WDR36: variants seen among roughly 807,000 people sequenced by gnomAD.
WDR36 encodes the protein WD repeat-containing protein 36.
A neutral mutation model predicts 112.7 loss-of-function variants in WDR36; 63 were observed. The ratio of observed to expected loss-of-function variants is 0.56; its 90% CI spans 0.46 to 0.69. WDR36 has a LOEUF of 0.69. Ranked by LOEUF, WDR36 falls within the 30% of genes least tolerant of loss-of-function variation. The probability of loss-of-function intolerance (pLI) is 0.00; values close to 1 mark genes in which losing one functional copy is unlikely to be tolerated. For synonymous variants in WDR36, 410 were observed against 362.2 expected, an observed-to-expected ratio of 1.13 and a Z score of -1.50; for missense variants, 1,226 against 1,070.3, an observed-to-expected ratio of 1.15 and a Z score of -2.03.
At position 111,130,328 on chromosome 5, in the gene WDR36, A is replaced by G. The variant is rs766603425; in HGVS notation, c.*3445A>G. On this transcript the variant is annotated 3_prime_UTR_variant, in exon 23 of 23. Transcript: ENST00000513710. ...CATATGTTTTATTTGTGTTTGGTTG[A>G]AAAAAGTTTGCATATAAGTGAAACT... The G allele has an allele frequency of 1.1e-5, 2 of 190,076 alleles. No individual in the cohort carries two copies. The highest frequency in any genetic ancestry group is 2.2e-5 in the Non-Finnish European group (2 of 90,224). 11.8% of individuals were successfully genotyped at this position (190,076 alleles called of 1,614,324 possible).
intron 19 of WDR36, among the ~76,000 whole-genome samples, chr5:111,123,284 A>G (rs996482576): frequency 6.6e-6 from 1 of 152,196 alleles, no homozygotes; most frequent in Non-Finnish European, 1.5e-5. Context: ...ACTAAAGAAA[A>G]AATTCCAGCA....
At position 111,123,920 on chromosome 5, in the gene WDR36, A is replaced by G; in HGVS notation, c.2264A>G (p.Gln755Arg). 6.2e-7 allele frequency: 1 copy of G among 1,613,666 alleles called. No homozygotes were observed. Among genetic ancestry groups the G allele is most frequent in the Non-Finnish European group, 8.5e-7 (1 of 1,179,904 alleles). The part of the protein sequence containing the change: ...YAAPEQNNDP[Q>R]QSKVVNLGVL... ...GCACCTGAACAAAATAATGATCCCC[A>G]GCAGGTAAAAAACAAATTAGAAGAT... The change falls in exon 20 of 23, where the codon CAG becomes CGG. Residue 755 changes from glutamine (Q) to arginine (R), a missense_variant. Transcript: ENST00000513710.
intron 21 of WDR36, among the ~76,000 whole-genome samples, chr5:111,125,346 AT>A (rs1367268037): frequency 3.3e-5 from 5 of 152,072 alleles, no homozygotes; most frequent in African/African-American, 1.2e-4. Context: ...AAGGCATTAG[AT>A]TTTCTTTATT....
rs977446611 is a variant in WDR36 at position 111,116,469 on chromosome 5, T to C, written c.1797-2544T>C. Among the ~76,000 whole-genome samples the C allele has an allele frequency of 5.9e-4, 90 of 152,158 alleles. 1 individual carries two copies. Among genetic ancestry groups the C allele is most frequent in the African/African-American group, 2.1e-3 (88 of 41,444 alleles). On this transcript the variant is annotated intron_variant, in intron 16 of 22. Coordinates refer to ENST00000513710, the MANE Select transcript of WDR36 (RefSeq NM_139281.3). ...TTTAGCACTTTGGAAATAGAACATA[T>C]GGAAGCAGTCTCCATTTGCTCAGAA...
At position 111,125,716 on chromosome 5, in the gene WDR36, T is replaced by A. The variant is rs1330800187; in HGVS notation, c.2459T>A (p.Phe820Tyr). 10 of 1,613,976 alleles carry A rather than the reference T, an allele frequency of 6.2e-6. No homozygotes were observed. The highest frequency in any genetic ancestry group is 5.9e-6 in the Non-Finnish European group (7 of 1,179,870). Residue 820 changes from phenylalanine to tyrosine, a missense_variant, in exon 22 of 23, where the codon TTC becomes TAC. Physicochemically the swap from Phe to Tyr is conservative, Grantham distance 22. Transcript: ENST00000513710. Reference sequence around the variant, plus strand: ...GGGTCCATAGAAGTTATGCAGAGCTTCTTGAAAATGATTGGGATGATGCTG... The same window carrying A: ...GGGTCCATAGAAGTTATGCAGAGCTACTTGAAAATGATTGGGATGATGCTG... ...CGGSIEVMQSFLKMIGMMLDR... is the reference protein window; with the variant it reads ...CGGSIEVMQSYLKMIGMMLDR...
At chr5:111,113,424 A>G (rs879596921) in intron 16 of WDR36, among the ~76,000 whole-genome samples, 4 of 124,516 alleles carry the variant, frequency 3.2e-5, no homozygotes, top group Non-Finnish European at 6.6e-5. Context: ...CCTAAACCTT[A>G]AGAAAGCTCA....
At chr5:111,100,847 C>A in intron 5 of WDR36, 126 bp downstream of exon 5, 1 of 930,170 alleles carries the variant, frequency 1.1e-6, no homozygotes, top group Non-Finnish European at 1.6e-6. Context: ...CTATAAATAA[C>A]AGTTGGTCCC....
At chr5:111,098,879 T>C in intron 4 of WDR36, 40 bp downstream of exon 4, 1 of 1,338,624 alleles carries the variant, frequency 7.5e-7, no homozygotes, top group Non-Finnish European at 1.1e-6. Flanking sequence ...CTTAGGGTAG[T>C]ATGTGTTTAA....
chr5:111,095,022 A>AT, intron 2 of WDR36, 75 bp downstream of exon 2: 4 of 1,368,494 alleles, frequency 2.9e-6, no homozygotes, highest in Non-Finnish European at 4.1e-6. Context: ...TGAGACTTAC[A>AT]GAGCATATAA....
At chr5:111,104,560 C>G (rs1753186736) in intron 8 of WDR36, 137 bp from the exon 9 acceptor site, 6 of 1,418,574 alleles carry the variant, frequency 4.2e-6, no homozygotes, top group African/African-American at 1.4e-5. Context: ...CCAATACCCA[C>G]TCCCTCCCTT....
rs1753713956 is a variant in WDR36, at chr5:111,128,268, AAGC to A, written c.*1388_*1390del. ...AGTTTTGTAGAATGATCTCCAAAAG[AAGC>A]AGTCCTCAAAAGGCATTTACCAGTG... On this transcript the variant is annotated 3_prime_UTR_variant, in exon 23 of 23. Transcript: ENST00000513710. 5.3e-6 allele frequency: 1 copy of A among 188,684 alleles called. No homozygotes were observed. Among genetic ancestry groups the A allele is most frequent in the South Asian group, 1.9e-4 (1 of 5,154 alleles). 11.7% of individuals were successfully genotyped at this position (188,684 alleles called of 1,614,324 possible).
intron 10 of WDR36, among the ~76,000 whole-genome samples, chr5:111,105,602 C>T (rs759747590): frequency 4.6e-5 from 7 of 151,424 alleles, no homozygotes; most frequent in Non-Finnish European, 7.4e-5. Flanking sequence ...TGCTGCCACC[C>T]AAAAGATGTT....
intron 14 of WDR36, 41 bp from the exon 15 acceptor site, chr5:111,111,129 G>T (rs763717698): frequency 1.9e-6 from 3 of 1,596,574 alleles, no homozygotes; most frequent in Admixed American, 1.7e-5. Context: ...TTTAGTTCAA[G>T]GGTTTTTTGT....
At chr5:111,102,448 T>C (rs1488427978) in intron 6 of WDR36, 49 bp downstream of exon 6, 7 of 1,542,932 alleles carry the variant, frequency 4.5e-6, no homozygotes, top group Admixed American at 1.7e-5. Flanking sequence ...AATAGGAAAA[T>C]CCTTCAGTTT....
intron 4 of WDR36, among the ~76,000 whole-genome samples, chr5:111,099,099 A>T (rs564514718): frequency 6.6e-6 from 1 of 152,208 alleles, no homozygotes; most frequent in African/African-American, 2.4e-5. Context: ...AACTTTAATG[A>T]TTTGTTGTAT....
chr5:111,117,435 AT>A (rs1753476395), intron 16 of WDR36, among the ~76,000 whole-genome samples: 2 of 152,206 alleles, frequency 1.3e-5, no homozygotes, highest in South Asian at 4.1e-4. Flanking sequence ...TGTGTGTCCC[AT>A]GAATCACTGA....
In WDR36 at chr5:111,102,349, C is replaced by T; in HGVS notation, c.547C>T (p.Leu183Phe). 6.2e-7 allele frequency: 1 copy of T among 1,603,486 alleles called. No individual in the cohort carries two copies. Among genetic ancestry groups the T allele is most frequent in the Non-Finnish European group, 8.5e-7 (1 of 1,174,864 alleles). ...LQLWNVKSNK[L>F]LYTFPGWKVG... is the part of the protein sequence containing the mutation. ...CAACTATTTTTCTTCTTGTAGTAAACTTCTATATACATTTCCAGGATGGAA... is the reference window on the plus strand; with the variant it reads ...CAACTATTTTTCTTCTTGTAGTAAATTTCTATATACATTTCCAGGATGGAA... The change falls in exon 6 of 23, where the codon CTT (leucine) becomes TTT (phenylalanine). Residue 183 changes from leucine to phenylalanine, a missense_variant. By Grantham distance (22) the Leu-to-Phe change is conservative. Coordinates refer to ENST00000513710, the MANE Select transcript of WDR36 (RefSeq NM_139281.3).
Position 111,129,292 on chromosome 5 carries a change from A to G in WDR36, c.*2409A>G, listed in dbSNP as rs1753737967. On this transcript the variant is annotated 3_prime_UTR_variant, in exon 23 of 23. Transcript: ENST00000513710. ...TTGAATTTCAGGCCAGAGTATAACCATTTTTAATTTGAAGAGATACTTCCA... is the reference window on the plus strand; with the variant it reads ...TTGAATTTCAGGCCAGAGTATAACCGTTTTTAATTTGAAGAGATACTTCCA... 1 of 195,886 alleles carries G rather than the reference A, an allele frequency of 5.1e-6. No homozygotes were observed. The highest frequency in any genetic ancestry group is 2.3e-5 in the African/African-American group (1 of 43,274). The allele number at this position is 195,886 out of a possible 1,614,324, so 12.1% of individuals were successfully genotyped here. A position where few individuals can be genotyped will look rare whatever the true frequency, so the allele number is the denominator to read the frequency against.
rs1753139626 is a variant in WDR36 at position 111,102,419 on chromosome 5, GT to G, written c.597+21del. 1 of 1,607,384 alleles carries G rather than the reference GT, an allele frequency of 6.2e-7. No homozygotes were observed. Among genetic ancestry groups the G allele is most frequent in the Middle Eastern group, 1.7e-4 (1 of 6,018 alleles). On this transcript the variant is annotated intron_variant, in intron 6 of 22. Coordinates refer to ENST00000513710, the MANE Select transcript of WDR36 (RefSeq NM_139281.3). ...CAGCAGGTTAGTATTTTTCTGTTAA[GT>G]CAAAGAGGAACAAAGTTAATAGGAA...
Sources: allele counts gnomAD v4.1 joint callset (sites outside exome capture counted in the v4.1 genomes callset), GRCh38; gene constraint gnomAD v4.1.1; transcripts MANE v1.5; gene names NCBI Gene and HGNC (gene_info 2026-07-23, HGNC 2026-07-21).